ANKDD1A: variants seen among roughly 807,000 people sequenced by gnomAD.
ANKDD1A encodes the protein ankyrin repeat and death domain-containing protein 1A.
ANKDD1A carries 59 observed loss-of-function variants against 63.5 expected under a neutral mutation model. The ratio of observed to expected loss-of-function variants is 0.93; its 90% confidence interval spans 0.75 to 1.15. The LOEUF (loss-of-function observed/expected upper bound fraction) is 1.15, where lower values mean the gene tolerates loss of function less well. Among genes scored for constraint, ANKDD1A ranks in the 50% most tolerant of loss-of-function variants. ANKDD1A has a pLI of 0.00. For synonymous variants in ANKDD1A, 266 were observed against 263.9 expected, an observed-to-expected ratio of 1.01 and a Z score of -0.08; for missense variants, 632 against 656.4, an observed-to-expected ratio of 0.96 and a Z score of 0.41.
intron 9 of ANKDD1A, among the ~76,000 whole-genome samples, chr15:64,934,523 A>G (rs2085112584): frequency 7.5e-6 from 1 of 134,096 alleles, no homozygotes; most frequent in African/African-American, 2.9e-5. Context: ...TTTTTGAGAC[A>G]GAGTCTTGCT....
intron 5 of ANKDD1A, among the ~76,000 whole-genome samples, 154 bp from the exon 6 acceptor site, chr15:64,926,747 C>T (rs1024876983): frequency 3.3e-5 from 5 of 152,062 alleles, no homozygotes; most frequent in Non-Finnish European, 7.4e-5. Flanking sequence ...GCTTTCCAGG[C>T]AGGGTGTGGG....
intron 2 of ANKDD1A, among the ~76,000 whole-genome samples, chr15:64,916,131 A>T (rs1357830733): frequency 6.6e-6 from 1 of 152,150 alleles, no homozygotes; most frequent in Non-Finnish European, 1.5e-5. Context: ...GGCTTGGGCA[A>T]TTCCAGAGGT....
chr15:64,946,403 TGATATGCTA>T (rs1419564832), intron 12 of ANKDD1A, among the ~76,000 whole-genome samples: 1 of 152,240 alleles, frequency 6.6e-6, no homozygotes, highest in Non-Finnish European at 1.5e-5. Flanking sequence ...GTTCTCCCAC[TGATATGCTA>T]GATTCCCTTA....
chr15:64,954,376 TTTC>T (rs368676221), intron 14 of ANKDD1A, among the ~76,000 whole-genome samples: 4 of 137,822 alleles, frequency 2.9e-5, no homozygotes, highest in African/African-American at 1.2e-4. Context: ...TCTTCTTCCT[TTTC>T]TTTTCTTCTT....
chr15:64,954,617 C>G (rs1438650806), intron 14 of ANKDD1A, among the ~76,000 whole-genome samples: 1 of 117,630 alleles, frequency 8.5e-6, no homozygotes, highest in Admixed American at 1.0e-4. Context: ...CTCCTCCTTC[C>G]TCTTTTCTTC....
At chr15:64,938,631 G>A (rs940420613) in intron 9 of ANKDD1A, among the ~76,000 whole-genome samples, 3 of 152,186 alleles carry the variant, frequency 2.0e-5, no homozygotes, top group African/African-American at 7.2e-5. Context: ...TATCCTGGAT[G>A]GGATCCTGCA....
intron 8 of ANKDD1A, chr15:64,931,889 G>T: frequency 2.0e-6 from 1 of 507,050 alleles, no homozygotes; most frequent in Non-Finnish European, 3.5e-6. Context: ...ATACCTGTTA[G>T]TGTTTTTTTG....
intron 9 of ANKDD1A, among the ~76,000 whole-genome samples, chr15:64,940,638 C>T (rs1439094795): frequency 6.6e-6 from 1 of 151,700 alleles, no homozygotes; most frequent in Admixed American, 6.6e-5. Context: ...TGGGGTTTCA[C>T]CGTGTTAGCC....
intron 3 of ANKDD1A, among the ~76,000 whole-genome samples, chr15:64,919,173 G>C (rs2084991129): frequency 6.6e-6 from 1 of 152,128 alleles, no homozygotes; most frequent in Non-Finnish European, 1.5e-5. Context: ...GCTGGTATAG[G>C]ACTGTGATGT....
In ANKDD1A at chr15:64,921,941, C is replaced by G. The variant is rs1384321955; in HGVS notation, c.288C>G (p.Leu96=). ...ARLCFGMNAL[L]LSAWFGHLRI... is the part of the protein sequence containing the mutation. ...CCTAGTTTGGGATGAATGCGCTTCT[C>G]CTGTCTGCCTGGTTCGGCCACTTAC... is the stretch of plus-strand genomic sequence containing the variant. Residue 96 remains leucine (L), a synonymous_variant, in exon 4 of 15, where the codon CTC becomes CTG. Transcript: ENST00000319580. The G allele has an allele frequency of 1.2e-6, 2 of 1,614,178 alleles. No individual in the cohort carries two copies. The highest frequency in any genetic ancestry group is 1.7e-6 in the Non-Finnish European group (2 of 1,180,028).
At chr15:64,938,373 TG>T (rs2085152402) in intron 9 of ANKDD1A, among the ~76,000 whole-genome samples, 2 of 152,188 alleles carry the variant, frequency 1.3e-5, no homozygotes, top group Non-Finnish European at 2.9e-5. Flanking sequence ...TGATGAGTCA[TG>T]TTGGCAGTAT....
At chr15:64,916,972 A>G (rs934449368) in intron 2 of ANKDD1A, among the ~76,000 whole-genome samples, 4 of 152,214 alleles carry the variant, frequency 2.6e-5, no homozygotes, top group Admixed American at 2.6e-4. Context: ...AGTGCCTCTC[A>G]GGGACTTGGA....
chr15:64,921,042 C>G (rs1196128064), intron 3 of ANKDD1A, among the ~76,000 whole-genome samples: 1 of 152,174 alleles, frequency 6.6e-6, no homozygotes, highest in Non-Finnish European at 1.5e-5. Context: ...GCGATCACAG[C>G]TCACTGTAGC....
At chr15:64,939,291 C>A (rs1191582114) in intron 9 of ANKDD1A, among the ~76,000 whole-genome samples, 1 of 152,080 alleles carries the variant, frequency 6.6e-6, no homozygotes, top group Non-Finnish European at 1.5e-5. Context: ...AGAGCAAGAT[C>A]CTGTCTCAAA....
At chr15:64,954,203 TATTC>T (rs2085376965) in intron 14 of ANKDD1A, among the ~76,000 whole-genome samples, 1 of 9,002 alleles carries the variant, frequency 1.1e-4, no homozygotes, top group African/African-American at 3.0e-4. Context: ...TCTTGTTCCT[TATTC>T]TTTTCTTCTT....
intron 14 of ANKDD1A, among the ~76,000 whole-genome samples, chr15:64,953,006 T>C (rs1265486279): frequency 7.1e-6 from 1 of 140,326 alleles, no homozygotes; most frequent in Non-Finnish European, 1.6e-5. Context: ...TCTTAGTTCT[T>C]TCTTCTCCTT....
chr15:64,950,738 C>A (rs906893108), intron 14 of ANKDD1A: 2 of 793,474 alleles, frequency 2.5e-6, no homozygotes, highest in Non-Finnish European at 2.9e-6. Flanking sequence ...CGCCCCCCCC[C>A]CCCCCCCCCC....
chr15:64,952,583 TTCTTCTTCTTCCTTCG>T (rs2085313443), intron 14 of ANKDD1A, among the ~76,000 whole-genome samples: 1 of 99,508 alleles, frequency 1.0e-5, no homozygotes, highest in African/African-American at 3.3e-5. Context: ...TCTCCTTCTT[TTCTTCTTCTTCCTTCG>T]TCTTCTTCTT....
At position 64,950,932 on chromosome 15, in the gene ANKDD1A, G is replaced by GT. The variant is rs1313713616; in HGVS notation, c.1483+961dup. 4 of 1,271,168 alleles carry GT rather than the reference G, an allele frequency of 3.1e-6. No individual in the cohort carries two copies. The East Asian group carries it at 2.4e-4, about 76-fold the overall frequency. The allele number at this position is 1,271,168 out of a possible 1,614,324, so 78.7% of individuals were successfully genotyped here. A position where few individuals can be genotyped will look rare whatever the true frequency, so the allele number is the denominator to read the frequency against. On this transcript the variant is annotated intron_variant, in intron 14 of 14. Transcript: ENST00000319580. ...AGGCAGAGCTTAGGCAACAGAGGAA[G>GT]TAAGATTCTTGTTTTTAACAGAAAA...
Sources: allele counts gnomAD v4.1 joint callset (sites outside exome capture counted in the v4.1 genomes callset), GRCh38; gene constraint gnomAD v4.1.1; transcripts MANE v1.5; gene names NCBI Gene and HGNC (gene_info 2026-07-23, HGNC 2026-07-21).